Variants in ITPKB observed in about 807,000 individuals in gnomAD.
The protein encoded by ITPKB is inositol-trisphosphate 3-kinase B.
In ITPKB, 13 loss-of-function variants were observed where a neutral mutation model predicts 69.4. The observed-to-expected ratio is 0.19, with a 90% CI of 0.12 to 0.30. The LOEUF is 0.30. ITPKB is among the 10% of genes least tolerant of loss of function. The pLI, the probability that ITPKB is intolerant of heterozygous loss-of-function variation, is 1.00. For synonymous variants in ITPKB, 584 were observed against 513.7 expected, an observed-to-expected ratio of 1.14 and a Z score of -1.85; for missense variants, 1,240 against 1,250.5, an observed-to-expected ratio of 0.99 and a Z score of 0.13.
At chr1:226,712,711 C>G (rs1656991892) in intron 2 of ITPKB, among the ~76,000 whole-genome samples, 1 of 152,204 alleles carries the variant, frequency 6.6e-6, no homozygotes, top group Admixed American at 6.5e-5. Flanking sequence ...CTTAAATTAT[C>G]TGGTCCTGTG....
Position 226,736,753 on chromosome 1 carries a change from G to A in ITPKB, c.706C>T (p.Pro236Ser). 6.2e-7 allele frequency: 1 copy of A among 1,613,068 alleles called. No individual in the cohort carries two copies. The change falls in exon 2 of 8, where the codon CCT becomes TCT. Residue 236 changes from proline (P) to serine (S), a missense_variant. Coordinates refer to ENST00000429204, the MANE Select transcript of ITPKB (RefSeq NM_002221.4). The part of the protein sequence containing the change: ...CSSQVKKGMP[P>S]LPGRAAPTGS... ...GTAGGGGCAGCCCGGCCGGGAAGAG[G>A]TGGCATTCCTTTCTTCACCTGCGAG...
At chr1:226,636,940 GC>G (rs747880701) in intron 7 of ITPKB, among the ~76,000 whole-genome samples, 24 of 152,128 alleles carry the variant, frequency 1.6e-4, no homozygotes, top group South Asian at 8.3e-4. Flanking sequence ...TGATTGATCT[GC>G]ATGTGTGTGA....
chr1:226,639,518 G>T, intron 6 of ITPKB, 39 bp downstream of exon 6: 2 of 1,337,906 alleles, frequency 1.5e-6, no homozygotes, highest in Non-Finnish European at 2.2e-6. Flanking sequence ...TCCCTCCCTG[G>T]CTGGCTGGAG....
At chr1:226,656,506 A>G (rs1295689735) in intron 2 of ITPKB, 1 of 152,252 alleles carries the variant, frequency 6.6e-6, no homozygotes, top group African/African-American at 2.4e-5. Context: ...GGACTTCAGG[A>G]AGGCAGCTCC....
At chr1:226,678,752 T>C (rs1655987783) in intron 2 of ITPKB, among the ~76,000 whole-genome samples, 1 of 152,222 alleles carries the variant, frequency 6.6e-6, no homozygotes, top group South Asian at 2.1e-4. Context: ...TGGTGAGCTT[T>C]TTACGTGGTC....
chr1:226,709,711 G>A (rs1230185809), intron 2 of ITPKB, among the ~76,000 whole-genome samples: 1 of 152,182 alleles, frequency 6.6e-6, no homozygotes, highest in Non-Finnish European at 1.5e-5. Flanking sequence ...AGTGGGCAGG[G>A]CCTAGCCCTC....
At chr1:226,706,802 T>C (rs187015614) in intron 2 of ITPKB, among the ~76,000 whole-genome samples, 67 of 152,354 alleles carry the variant, frequency 4.4e-4, no homozygotes, top group Admixed American at 1.0e-3. Flanking sequence ...GCCGCCAGTC[T>C]GTCTGGCTTT....
intron 2 of ITPKB, among the ~76,000 whole-genome samples, chr1:226,688,197 A>G (rs1448116190): frequency 6.6e-6 from 1 of 152,220 alleles, no homozygotes; most frequent in African/African-American, 2.4e-5. Flanking sequence ...ATTATCATAC[A>G]AGAGATCCCT....
At chr1:226,679,236 A>G (rs1656008467) in intron 2 of ITPKB, among the ~76,000 whole-genome samples, 1 of 152,174 alleles carries the variant, frequency 6.6e-6, no homozygotes, top group Non-Finnish European at 1.5e-5. Flanking sequence ...ATTCCAAAGA[A>G]AATTGCCCCT....
At position 226,642,434 on chromosome 1, in the gene ITPKB, T is replaced by A. The variant is rs1334482818; in HGVS notation, c.2247-309A>T. ...ATCCTCCCACCTTGGCCTCCCAAAG[T>A]GCTGGGATTACAGGTGTGCACCACC... On this transcript the variant is annotated intron_variant, in intron 4 of 7. Transcript: ENST00000429204. The surrounding 1 kb of genome is among the most constrained non-coding windows in gnomAD (Gnocchi z 6.4). 6.6e-6 allele frequency among the ~76,000 whole-genome samples: 1 copy of A among 152,154 alleles called. No individual in the cohort carries two copies. The highest frequency in any genetic ancestry group is 1.5e-5 in the Non-Finnish European group (1 of 68,018).
At chr1:226,656,216 G>A (rs965558384) in intron 2 of ITPKB, among the ~76,000 whole-genome samples, 4 of 152,168 alleles carry the variant, frequency 2.6e-5, no homozygotes, top group African/African-American at 7.2e-5. Context: ...ACACAAGAAA[G>A]GGACCTTGGT....
rs780279284 is a variant in ITPKB, at chr1:226,736,501, C to T, written c.958G>A (p.Asp320Asn). The change falls in exon 2 of 8, where the codon GAT (aspartate) becomes AAT (asparagine). Residue 320 changes from aspartate to asparagine, a missense_variant. Coordinates refer to ENST00000429204, the MANE Select transcript of ITPKB (RefSeq NM_002221.4). ...CCAGACGGCTCAGTGAGGGCAAGATCCTGTGGACGGTGTGGCCCAGTGGAT... is the reference window on the plus strand; with the variant it reads ...CCAGACGGCTCAGTGAGGGCAAGATTCTGTGGACGGTGTGGCCCAGTGGAT... ...VTSTGPHRPQ[D>N]LALTEPSGRA... 1.2e-6 allele frequency: 2 copies of T among 1,614,050 alleles called. No individual in the cohort carries two copies. The highest frequency in any genetic ancestry group is 8.5e-7 in the Non-Finnish European group (1 of 1,180,046).
rs533468550 is a variant in ITPKB, at chr1:226,641,603, C to A, written c.2451+318G>T. On this transcript the variant is annotated intron_variant, in intron 5 of 7. Coordinates refer to ENST00000429204, the MANE Select transcript of ITPKB (RefSeq NM_002221.4). This position sits in a 1 kb window ranked among gnomAD's most constrained non-coding sequence, Gnocchi z 4.6. ...AGCCATGGCAGAATGAACCAGCTAC[C>A]CCACAGGCATCCCGCAGGTGCCTCT... Among the ~76,000 whole-genome samples, 2 of 152,244 alleles carry A rather than the reference C, an allele frequency of 1.3e-5. No individual in the cohort carries two copies. The highest frequency in any genetic ancestry group is 2.9e-5 in the Non-Finnish European group (2 of 68,042).
At position 226,736,044 on chromosome 1, in the gene ITPKB, G is replaced by C; in HGVS notation, c.1415C>G (p.Ser472Cys). ...GTGNVEAGIP[S>C]GRMLEPLPCW... ...GGGCAAAGGCTCCAGCATTCTGCCA[G>C]AAGGAATTCCCGCCTCCACATTCCC... is the stretch of plus-strand genomic sequence containing the variant. The change falls in exon 2 of 8, where the codon TCT becomes TGT. Residue 472 changes from serine (S) to cysteine (C), a missense_variant. Coordinates refer to ENST00000429204, the MANE Select transcript of ITPKB (RefSeq NM_002221.4). 1 of 1,613,558 alleles carries C rather than the reference G, an allele frequency of 6.2e-7. No homozygotes were observed. The highest frequency in any genetic ancestry group is 1.3e-5 in the African/African-American group (1 of 75,070).
intron 2 of ITPKB, among the ~76,000 whole-genome samples, chr1:226,734,657 G>A (rs771433467): frequency 6.6e-5 from 10 of 152,176 alleles, no homozygotes; most frequent in Non-Finnish European, 1.3e-4. Flanking sequence ...CCTCCTAAGA[G>A]TAAAAGCAGC....
chr1:226,704,128 A>T (rs1656745870), intron 2 of ITPKB, among the ~76,000 whole-genome samples: 1 of 152,152 alleles, frequency 6.6e-6, no homozygotes, highest in Non-Finnish European at 1.5e-5. Context: ...ACCCCTGAAA[A>T]TTTTTGATAA....
At chr1:226,731,047 ATC>A (rs1452111490) in intron 2 of ITPKB, among the ~76,000 whole-genome samples, 8 of 152,204 alleles carry the variant, frequency 5.3e-5, no homozygotes, top group South Asian at 2.1e-4. Flanking sequence ...CTTAGAATCA[ATC>A]TCTCTTTGTC....
chr1:226,701,914 TGCTCATTCACG>T (rs1174381374), intron 2 of ITPKB, among the ~76,000 whole-genome samples: 1 of 152,196 alleles, frequency 6.6e-6, no homozygotes, highest in East Asian at 1.9e-4. Context: ...AGCCATTTCC[TGCTCATTCACG>T]GCTCCCTTAA....
chr1:226,711,411 G>C (rs12080692), intron 2 of ITPKB, among the ~76,000 whole-genome samples: 3,693 of 72,484 alleles, frequency 0.051, 130 homozygotes, highest in African/African-American at 0.16. Context: ...TTGAAAGAGA[G>C]AGAGAGAGAG....
Sources: allele counts gnomAD v4.1 joint callset (sites outside exome capture counted in the v4.1 genomes callset), GRCh38; gene constraint gnomAD v4.1.1; non-coding constraint Gnocchi (gnomAD v3.1); transcripts MANE v1.5; gene names NCBI Gene and HGNC (gene_info 2026-07-23, HGNC 2026-07-21).